The following ADGRG6 variants were observed in gnomAD, a reference collection of about 807,000 sequenced individuals.
ADGRG6 encodes G-protein coupled receptor 126.
Under a neutral mutation model 142.4 loss-of-function variants are expected in ADGRG6, and 84 were observed. The ratio of observed to expected loss-of-function variants is 0.59; its 90% CI spans 0.49 to 0.71. The LOEUF (loss-of-function observed/expected upper bound fraction) is 0.71, where lower values mean the gene tolerates loss of function less well. Ranked by LOEUF, ADGRG6 falls within the 30% of genes least tolerant of loss-of-function variation. The pLI is 0.00. For synonymous variants in ADGRG6, 521 were observed against 520.5 expected (o/e 1.00, Z -0.01); for missense variants, 1,367 against 1,466.6 (o/e 0.93, Z 1.11).
At chr6:142,397,217 G>A (rs1583090015) in intron 9 of ADGRG6, among the ~76,000 whole-genome samples, 1 of 151,688 alleles carries the variant, frequency 6.6e-6, no homozygotes, top group Non-Finnish European at 1.5e-5. Flanking sequence ...AAAGATAAAT[G>A]GTCAGTTGAA....
chr6:142,408,150 G>A lies in ADGRG6; in HGVS notation c.2269G>A (p.Asp757Asn). 1 of 1,569,148 alleles carries A rather than the reference G, an allele frequency of 6.4e-7. No individual in the cohort carries two copies. Among genetic ancestry groups the A allele is most frequent in the Non-Finnish European group, 8.7e-7 (1 of 1,155,508 alleles). The change falls in exon 16 of 25, where the codon GAT becomes AAT. Residue 757 changes from aspartate to asparagine, a missense_variant and splice_region_variant. Physicochemically the swap from Asp to Asn is conservative, Grantham distance 23. Transcript: ENST00000367609. The stretch of plus-strand genomic sequence containing the variant: ...CACGCGATTTTTTTTTCTTTAAAAG[G>A]ATGTAGGACCCCAAAGAAAAACTTT... ...TFFNKTGLFQ[D>N]VGPQRKTLVS...
chr6:142,377,325 C>T (rs943069225), intron 4 of ADGRG6, among the ~76,000 whole-genome samples: 1 of 152,196 alleles, frequency 6.6e-6, no homozygotes, highest in Non-Finnish European at 1.5e-5. Flanking sequence ...TGATTGATTC[C>T]CAGGTCCCCA....
At chr6:142,339,606 G>A (rs974629691) in intron 2 of ADGRG6, among the ~76,000 whole-genome samples, 1 of 152,040 alleles carries the variant, frequency 6.6e-6, no homozygotes, top group Non-Finnish European at 1.5e-5. Flanking sequence ...TCCTTTTGTG[G>A]TGTCAAAGCT....
intron 1 of ADGRG6, among the ~76,000 whole-genome samples, chr6:142,307,383 G>A (rs1039935381): frequency 6.6e-6 from 1 of 151,852 alleles, no homozygotes; most frequent in African/African-American, 2.4e-5. Context: ...CTTCAGCATT[G>A]GTCCTCCTAG....
At chr6:142,310,762 A>T (rs73576348) in intron 2 of ADGRG6, among the ~76,000 whole-genome samples, 4,383 of 151,868 alleles carry the variant, frequency 0.029, 194 homozygotes, top group African/African-American at 0.1. Flanking sequence ...TGTTTGTTAG[A>T]ATTTTATTGT....
intron 2 of ADGRG6, among the ~76,000 whole-genome samples, chr6:142,314,708 G>A (rs1777939184): frequency 6.6e-6 from 1 of 152,196 alleles, no homozygotes; most frequent in Non-Finnish European, 1.5e-5. Flanking sequence ...GTAGGAATAA[G>A]ATACTGGCCT....
chr6:142,328,066 A>G (rs1778864619), intron 2 of ADGRG6, among the ~76,000 whole-genome samples: 2 of 152,186 alleles, frequency 1.3e-5, no homozygotes, highest in Admixed American at 1.3e-4. Context: ...AACAGAAACA[A>G]AACAGAACGC....
chr6:142,396,444 G>A (rs955421893), intron 9 of ADGRG6, among the ~76,000 whole-genome samples: 3 of 152,072 alleles, frequency 2.0e-5, no homozygotes, highest in Non-Finnish European at 4.4e-5. Context: ...AGATATTTAG[G>A]AAAGAAAACT....
In ADGRG6 at chr6:142,443,317, T is replaced by C. The variant is rs761072078; in HGVS notation, c.3575-20T>C. 3.1e-6 allele frequency: 5 copies of C among 1,592,382 alleles called. No individual in the cohort carries two copies. The highest frequency in any genetic ancestry group is 4.3e-6 in the Non-Finnish European group (5 of 1,165,128). The stretch of plus-strand genomic sequence containing the variant: ...CCACCAGCTCATCTTGAACCTAATT[T>C]CTTGTATCATTTCTTGCAGACAGTG... On this transcript the variant is annotated intron_variant, in intron 24 of 24. Transcript: ENST00000367609.
At chr6:142,346,279 A>C (rs1379245079) in intron 2 of ADGRG6, among the ~76,000 whole-genome samples, 1 of 152,108 alleles carries the variant, frequency 6.6e-6, no homozygotes, top group African/African-American at 2.4e-5. Context: ...ATGTAAAAGC[A>C]TTCCTATTTC....
chr6:142,428,789 G>A (rs1777077413), intron 22 of ADGRG6, among the ~76,000 whole-genome samples: 1 of 152,032 alleles, frequency 6.6e-6, no homozygotes, highest in African/African-American at 2.4e-5. Context: ...TGACATTTGG[G>A]GATTATGGGG....
chr6:142,368,898 T>C (rs547183572), intron 3 of ADGRG6, among the ~76,000 whole-genome samples: 90 of 152,256 alleles, frequency 5.9e-4, no homozygotes, highest in African/African-American at 2.1e-3. Context: ...AATAAAATGT[T>C]GATGGAGATA....
chr6:142,382,554 A>C (rs1714502192), intron 5 of ADGRG6, among the ~76,000 whole-genome samples: 1 of 152,228 alleles, frequency 6.6e-6, no homozygotes, highest in Admixed American at 6.5e-5. Context: ...TATCGTGGTC[A>C]GTATTTCAGT....
chr6:142,437,494 A>G lies in ADGRG6; in HGVS notation c.3380A>G (p.Gln1127Arg), dbSNP rs1262686. The change falls in exon 23 of 25, where the codon CAG (glutamine) becomes CGG (arginine). Residue 1127 changes from glutamine (Q) to arginine (R), a missense_variant. Gln to Arg is a conservative substitution (Grantham distance 43). Transcript: ENST00000367609. The stretch of plus-strand genomic sequence containing the variant: ...GAGAATGTTCAGAAACAGTGGCGGC[A>G]GCATCTCTGCTGTGGTAGATTTCGG... ...MKENVQKQWR[Q>R]HLCCGRFRLA... 1 allele frequency: 1,575,808 copies of G among 1,580,420 alleles called. 785,611 individuals carry two copies. The highest frequency in any genetic ancestry group is 1 in the Middle Eastern group (6,002 of 6,002).
chr6:142,394,352 T>C (rs1361373503), intron 9 of ADGRG6, among the ~76,000 whole-genome samples: 1 of 152,154 alleles, frequency 6.6e-6, no homozygotes, highest in Non-Finnish European at 1.5e-5. Context: ...GTTTTCAGCA[T>C]TTAAAGCTAT....
intron 13 of ADGRG6, 110 bp from the exon 14 acceptor site, chr6:142,403,692 T>C (rs1775651866): frequency 1.5e-6 from 1 of 672,664 alleles, no homozygotes; most frequent in South Asian, 2.2e-5. Context: ...GATCAGAAAA[T>C]CTAAACACAA....
chr6:142,355,344 T>C (rs975984601), intron 2 of ADGRG6, among the ~76,000 whole-genome samples: 5 of 152,122 alleles, frequency 3.3e-5, no homozygotes, highest in African/African-American at 1.2e-4. Flanking sequence ...AGTTTAGGGT[T>C]ATAATAATAA....
At chr6:142,435,052 T>C (rs1450088273) in intron 22 of ADGRG6, among the ~76,000 whole-genome samples, 2 of 152,100 alleles carry the variant, frequency 1.3e-5, no homozygotes, top group East Asian at 3.9e-4. Context: ...CTTTTTCCAT[T>C]GTACAAGCTG....
chr6:142,324,699 C>T (rs980291180), intron 2 of ADGRG6, among the ~76,000 whole-genome samples: 2 of 152,044 alleles, frequency 1.3e-5, no homozygotes, highest in Admixed American at 6.6e-5. Flanking sequence ...TTCTGAATCT[C>T]CAGTTTTCCT....
Sources: gnomAD v4.1 joint callset for allele counts (sites outside exome capture counted in the v4.1 genomes callset) on GRCh38, gnomAD v4.1.1 for gene constraint, MANE v1.5 for transcripts, NCBI Gene and HGNC (gene_info 2026-07-23, HGNC 2026-07-21) for gene names.